CTNND2: variants seen among roughly 807,000 people sequenced by gnomAD.
The protein encoded by CTNND2 is catenin delta-2.
In CTNND2, 22 loss-of-function variants were observed where a neutral mutation model predicts 144.4. The ratio of observed to expected loss-of-function variants is 0.15; its 90% confidence interval spans 0.11 to 0.22. The LOEUF (loss-of-function observed/expected upper bound fraction) is 0.22. Ranked by LOEUF, CTNND2 falls within the 10% of genes least tolerant of loss-of-function variation. The probability of loss-of-function intolerance (pLI) is 1.00; values close to 1 mark genes in which losing one functional copy is unlikely to be tolerated. For synonymous variants in CTNND2, 751 were observed against 695.6 expected (o/e 1.08, Z -1.25); for missense variants, 1,353 against 1,618.8 (o/e 0.84, Z 2.82).
chr5:11,602,757 ATAT>A (rs1009831664), intron 2 of CTNND2, among the ~76,000 whole-genome samples: 4 of 145,298 alleles, frequency 2.8e-5, no homozygotes, highest in African/African-American at 1.0e-4. Context: ...TATAATAGAT[ATAT>A]TATTAATAGA....
At chr5:11,356,741 A>G (rs1755922945) in intron 8 of CTNND2, among the ~76,000 whole-genome samples, 1 of 151,980 alleles carries the variant, frequency 6.6e-6, no homozygotes, top group Non-Finnish European at 1.5e-5. Flanking sequence ...CTGAGAAGAC[A>G]ATCTATAGAA....
chr5:11,547,176 G>A (rs1349085793), intron 3 of CTNND2, among the ~76,000 whole-genome samples: 1 of 151,944 alleles, frequency 6.6e-6, no homozygotes, highest in Admixed American at 6.6e-5. Flanking sequence ...GCTGAGGCAG[G>A]AGAATTGCTT....
intron 9 of CTNND2, among the ~76,000 whole-genome samples, chr5:11,270,765 G>T (rs893436329): frequency 6.6e-6 from 1 of 152,062 alleles, no homozygotes; most frequent in African/African-American, 2.4e-5. Flanking sequence ...CCAATCTTTA[G>T]CCTTATTATT....
chr5:10,983,625 T>G lies in CTNND2; in HGVS notation c.3344-1779A>C, dbSNP rs143830493. On this transcript the variant is annotated intron_variant, in intron 20 of 21. Coordinates refer to ENST00000304623, the MANE Select transcript of CTNND2 (RefSeq NM_001332.4). ...TGGTTGAATGCATGTCACTCCTGTCTCTGTATTATGGTGCAAACCACCATC... is the reference window on the plus strand; with the variant it reads ...TGGTTGAATGCATGTCACTCCTGTCGCTGTATTATGGTGCAAACCACCATC... Among the ~76,000 whole-genome samples the G allele has an allele frequency of 2.0e-4, 30 of 152,334 alleles. No homozygotes were observed. The East Asian group carries it at 5.8e-3, about 29-fold the overall frequency.
chr5:11,759,080 G>A (rs1341381181), intron 1 of CTNND2, among the ~76,000 whole-genome samples: 1 of 151,976 alleles, frequency 6.6e-6, no homozygotes. Flanking sequence ...CAAAATTTCT[G>A]TAAATTAGGT....
At chr5:11,347,925 A>C (rs977916777) in intron 8 of CTNND2, among the ~76,000 whole-genome samples, 1 of 152,196 alleles carries the variant, frequency 6.6e-6, no homozygotes, top group Non-Finnish European at 1.5e-5. Flanking sequence ...CTGCAAAGTG[A>C]ATGGGAGGAA....
chr5:11,387,731 A>C (rs1175847830), intron 6 of CTNND2, among the ~76,000 whole-genome samples: 1 of 152,210 alleles, frequency 6.6e-6, no homozygotes, highest in Admixed American at 6.5e-5. Context: ...TGTCTTGGCT[A>C]TGTAACATTA....
chr5:11,071,885 A>C (rs1748355591), intron 16 of CTNND2, among the ~76,000 whole-genome samples: 1 of 152,242 alleles, frequency 6.6e-6, no homozygotes, highest in South Asian at 2.1e-4. Flanking sequence ...AAAGAAAAGG[A>C]AGAAAAGAAA....
At chr5:11,308,840 T>A (rs1182517622) in intron 9 of CTNND2, among the ~76,000 whole-genome samples, 1 of 152,148 alleles carries the variant, frequency 6.6e-6, no homozygotes, top group Non-Finnish European at 1.5e-5. Context: ...AAAAGAGGTT[T>A]ACTCAGCTCA....
intron 3 of CTNND2, among the ~76,000 whole-genome samples, chr5:11,475,710 AC>A (rs1260634884): frequency 6.6e-6 from 1 of 152,194 alleles, no homozygotes; most frequent in African/African-American, 2.4e-5. Flanking sequence ...TTTATATGCC[AC>A]TTTTTATATT....
chr5:11,620,992 G>T (rs1002029693), intron 2 of CTNND2, among the ~76,000 whole-genome samples: 2 of 152,204 alleles, frequency 1.3e-5, no homozygotes, highest in Non-Finnish European at 2.9e-5. Context: ...TCATGCCAGA[G>T]ATCAAGAATA....
At chr5:11,133,821 A>G (rs949035790) in intron 12 of CTNND2, among the ~76,000 whole-genome samples, 1 of 152,242 alleles carries the variant, frequency 6.6e-6, no homozygotes, top group Non-Finnish European at 1.5e-5. Context: ...AAGATTCTGC[A>G]TTTTAAAAGC....
chr5:11,166,246 GTTC>G (rs1759311748), intron 11 of CTNND2, among the ~76,000 whole-genome samples: 2 of 135,748 alleles, frequency 1.5e-5, no homozygotes, highest in South Asian at 4.7e-4. Context: ...GGACAAAAAA[GTTC>G]TTTTTTTTTT....
chr5:11,390,248 G>T (rs1409220584), intron 6 of CTNND2, among the ~76,000 whole-genome samples: 3 of 152,204 alleles, frequency 2.0e-5, no homozygotes, highest in African/African-American at 7.2e-5. Context: ...TTCTTTGGGG[G>T]AGTAGGAGCC....
At chr5:11,460,779 C>A (rs1313723385) in intron 3 of CTNND2, among the ~76,000 whole-genome samples, 1 of 152,130 alleles carries the variant, frequency 6.6e-6, no homozygotes, top group Non-Finnish European at 1.5e-5. Context: ...TGGCCAGGAA[C>A]TGTGGCTCAT....
chr5:11,663,693 A>G (rs1038122607), intron 2 of CTNND2, among the ~76,000 whole-genome samples: 1 of 152,184 alleles, frequency 6.6e-6, no homozygotes, highest in Non-Finnish European at 1.5e-5. Flanking sequence ...TGCTTTCCCA[A>G]TACAAAGACT....
chr5:11,423,341 G>A (rs1050112748), intron 3 of CTNND2, among the ~76,000 whole-genome samples: 7 of 152,238 alleles, frequency 4.6e-5, no homozygotes, highest in Non-Finnish European at 7.3e-5. Context: ...AGAGTGAAGA[G>A]AGAGCTCACT....
At position 11,081,711 on chromosome 5, in the gene CTNND2, C is replaced by A. The variant is rs143580201; in HGVS notation, c.2788+985G>T. Among the ~76,000 whole-genome samples the A allele has an allele frequency of 2.6e-5, 4 of 152,248 alleles. No homozygotes were observed. In the East Asian group the frequency reaches 7.7e-4, roughly 29 times the overall value. ...CCATTAAAGAAACATAATCCTTATG[C>A]TAAGTGAAAAAAGTCAGACACAAAG... is the stretch of plus-strand genomic sequence containing the variant. On this transcript the variant is annotated intron_variant, in intron 16 of 21. Transcript: ENST00000304623.
intron 7 of CTNND2, among the ~76,000 whole-genome samples, chr5:11,365,719 G>C (rs569098973): frequency 1.6e-4 from 24 of 152,342 alleles, no homozygotes; most frequent in Non-Finnish European, 4.4e-5. Context: ...CAGGAAATAA[G>C]ACTTTAGTGA....
Sources: allele counts gnomAD v4.1 joint callset (sites outside exome capture counted in the v4.1 genomes callset), GRCh38; gene constraint gnomAD v4.1.1; transcripts MANE v1.5; gene names NCBI Gene and HGNC (gene_info 2026-07-23, HGNC 2026-07-21).